The following PIAS1 variants were observed in gnomAD, a reference collection of about 807,000 sequenced individuals.
PIAS1 encodes E3 SUMO-protein ligase PIAS1.
A neutral mutation model predicts 71.3 loss-of-function variants in PIAS1; 6 were observed. The ratio of observed to expected loss-of-function variants is 0.08; its 90% CI spans 0.05 to 0.17. PIAS1 has a LOEUF of 0.17. Among genes scored for constraint, PIAS1 ranks in the 10% least tolerant of loss-of-function variants. The pLI, the probability that PIAS1 is intolerant of heterozygous loss-of-function variation, is 1.00. For synonymous variants in PIAS1, 303 were observed against 292.9 expected (o/e 1.03, Z -0.35); for missense variants, 555 against 793.6 (o/e 0.70, Z 3.61).
At chr15:68,158,043 G>A (rs1209489186) in intron 7 of PIAS1, among the ~76,000 whole-genome samples, 1 of 151,894 alleles carries the variant, frequency 6.6e-6, no homozygotes, top group East Asian at 1.9e-4. Context: ...ATCTCCTCTG[G>A]TAGCCTCCTA....
intron 2 of PIAS1, among the ~76,000 whole-genome samples, chr15:68,098,191 A>G (rs1277751948): frequency 1.3e-5 from 2 of 152,106 alleles, no homozygotes; most frequent in Non-Finnish European, 2.9e-5. Context: ...CTTTACTATA[A>G]CCTATTGTTT....
chr15:68,098,659 G>C (rs887503809), intron 2 of PIAS1, among the ~76,000 whole-genome samples: 1 of 152,136 alleles, frequency 6.6e-6, no homozygotes, highest in African/African-American at 2.4e-5. Flanking sequence ...GTTGCTTTCA[G>C]TTCTTTTTAT....
At chr15:68,076,248 C>T (rs1053801888) in intron 1 of PIAS1, among the ~76,000 whole-genome samples, 7 of 152,094 alleles carry the variant, frequency 4.6e-5, no homozygotes, top group Admixed American at 1.3e-4. Context: ...CGGTGGCTCA[C>T]GAATGTAATC....
chr15:68,066,348 A>T (rs1415162462), intron 1 of PIAS1, among the ~76,000 whole-genome samples: 5 of 152,096 alleles, frequency 3.3e-5, no homozygotes, highest in African/African-American at 1.2e-4. Flanking sequence ...ACCTCAGATC[A>T]TCCACCTGCC....
intron 1 of PIAS1, among the ~76,000 whole-genome samples, chr15:68,079,694 G>C (rs1178354520): frequency 6.6e-6 from 1 of 152,078 alleles, no homozygotes; most frequent in Admixed American, 6.5e-5. Context: ...GCCCAGGCTG[G>C]TCTCAAACTC....
chr15:68,180,786 A>G (rs1336003513), intron 11 of PIAS1, among the ~76,000 whole-genome samples: 1 of 152,080 alleles, frequency 6.6e-6, no homozygotes, highest in Non-Finnish European at 1.5e-5. Flanking sequence ...TATTATATGT[A>G]TTTTCTTTGC....
intron 1 of PIAS1, among the ~76,000 whole-genome samples, chr15:68,070,909 C>G (rs895169982): frequency 5.9e-5 from 9 of 152,130 alleles, no homozygotes; most frequent in African/African-American, 2.2e-4. Flanking sequence ...GCATGAGCCA[C>G]TGTGCCTGGC....
chr15:68,113,605 C>G (rs1182103564), intron 2 of PIAS1, among the ~76,000 whole-genome samples: 2 of 151,958 alleles, frequency 1.3e-5, no homozygotes, highest in Admixed American at 6.6e-5. Flanking sequence ...TTTATAGACT[C>G]CTTTGATTAA....
chr15:68,139,815 C>T (rs927173297), intron 2 of PIAS1, among the ~76,000 whole-genome samples: 29 of 151,734 alleles, frequency 1.9e-4, no homozygotes, highest in Admixed American at 9.8e-4. Context: ...TCTTTTGTAC[C>T]CATGGAAATG....
intron 4 of PIAS1, among the ~76,000 whole-genome samples, chr15:68,143,564 G>A (rs2092787097): frequency 6.6e-6 from 1 of 152,108 alleles, no homozygotes; most frequent in African/African-American, 2.4e-5. Context: ...AGATGATTCT[G>A]TATAAAAGGT....
chr15:68,055,622 G>A (rs1367982486), intron 1 of PIAS1, among the ~76,000 whole-genome samples: 1 of 152,160 alleles, frequency 6.6e-6, no homozygotes, highest in African/African-American at 2.4e-5. Context: ...GATCTTCTCT[G>A]TGGCTTCCTG....
chr15:68,124,612 T>A (rs1567052775), intron 2 of PIAS1, among the ~76,000 whole-genome samples: 1 of 152,100 alleles, frequency 6.6e-6, no homozygotes, highest in African/African-American at 2.4e-5. Context: ...TCCCAGCTAC[T>A]TGGGAGGCTG....
At chr15:68,114,293 A>C (rs183021654) in intron 2 of PIAS1, among the ~76,000 whole-genome samples, 3 of 152,178 alleles carry the variant, frequency 2.0e-5, no homozygotes, top group Non-Finnish European at 2.9e-5. Context: ...CTGTATTCTC[A>C]TATCATTAAG....
rs2093052360 is a variant in PIAS1 at position 68,181,337 on chromosome 15, T to C, written c.1607T>C (p.Met536Thr). 8.1e-6 allele frequency: 13 copies of C among 1,613,658 alleles called. No individual in the cohort carries two copies. The highest frequency in any genetic ancestry group is 1.1e-5 in the Non-Finnish European group (13 of 1,179,710). ...DYRHPFHMTP[M>T]PYDLQGLDFF... Reference sequence around the variant, plus strand: ...AGGCATCCTTTCCACATGACACCCATGCCTTACGACTTACAAGGTGAGTCA... The same window carrying C: ...AGGCATCCTTTCCACATGACACCCACGCCTTACGACTTACAAGGTGAGTCA... Residue 536 changes from methionine to threonine, a missense_variant, in exon 12 of 14, where the codon ATG becomes ACG. Around this residue, in one of 5 missense-constraint regions of PIAS1, gnomAD observed 244 missense variants for 307.5 expected, o/e 0.79. Transcript: ENST00000249636.
rs1175044851 is a variant in PIAS1 at position 68,188,620 on chromosome 15, C to T, written c.*785C>T. 1 of 152,158 alleles carries T rather than the reference C, an allele frequency of 6.6e-6. No individual in the cohort carries two copies. The highest frequency in any genetic ancestry group is 6.5e-5 in the Admixed American group (1 of 15,274). 9.4% of individuals were successfully genotyped at this position (152,158 alleles called of 1,614,324 possible). On this transcript the variant is annotated 3_prime_UTR_variant, in exon 14 of 14. Coordinates refer to ENST00000249636, the MANE Select transcript of PIAS1 (RefSeq NM_016166.3). ...CATATTCTCTTATTTGCTCTGTACCCCCTGAGAATATGTTTTAGAGATATT... is the reference window on the plus strand; with the variant it reads ...CATATTCTCTTATTTGCTCTGTACCTCCTGAGAATATGTTTTAGAGATATT...
At chr15:68,080,430 G>GT (rs1567032218) in intron 1 of PIAS1, among the ~76,000 whole-genome samples, 1 of 152,158 alleles carries the variant, frequency 6.6e-6, no homozygotes, top group African/African-American at 2.4e-5. Flanking sequence ...TCATTTTCCG[G>GT]TTGTCTTATG....
At position 68,087,928 on chromosome 15, in the gene PIAS1, C is replaced by T. The variant is rs568379908; in HGVS notation, c.469+1178C>T. ...TCACATTATTTTATTTTTTAAGTGG[C>T]CATAATAAGAAAACATTTTTTGAGA... On this transcript the variant is annotated intron_variant, in intron 2 of 13. Coordinates refer to ENST00000249636, the MANE Select transcript of PIAS1 (RefSeq NM_016166.3). 35 of 295,950 alleles carry T rather than the reference C, an allele frequency of 1.2e-4. 1 individual carries two copies. The highest frequency in any genetic ancestry group is 9.4e-4 in the South Asian group (34 of 36,210). The allele number at this position is 295,950 out of a possible 1,614,324, so 18.3% of individuals were successfully genotyped here. A position where few individuals can be genotyped will look rare whatever the true frequency, so the allele number is the denominator to read the frequency against.
chr15:68,134,595 C>T (rs1465407703), intron 2 of PIAS1, among the ~76,000 whole-genome samples: 3 of 30,418 alleles, frequency 9.9e-5, no homozygotes, highest in Admixed American at 2.8e-4. Flanking sequence ...ACCCCCCAGA[C>T]GGGGCGGCTG....
intron 8 of PIAS1, among the ~76,000 whole-genome samples, chr15:68,165,839 T>C (rs1452058709): frequency 6.6e-6 from 1 of 152,150 alleles, no homozygotes; most frequent in African/African-American, 2.4e-5. Context: ...AAACTAATCA[T>C]ATTTTAAATT....
Sources: allele counts gnomAD v4.1 joint callset (sites outside exome capture counted in the v4.1 genomes callset), GRCh38; gene constraint gnomAD v4.1.1; regional missense constraint gnomAD v4.1.1; transcripts MANE v1.5; gene names NCBI Gene and HGNC (gene_info 2026-07-23, HGNC 2026-07-21).